Variants in NCKAP5 observed in about 807,000 individuals in gnomAD.
The protein encoded by NCKAP5 is nck-associated protein 5.
Under a neutral mutation model 167.0 loss-of-function variants are expected in NCKAP5, and 92 were observed. That is an observed-to-expected ratio of 0.55 (90% CI 0.47 to 0.66). The LOEUF is 0.66. NCKAP5 is among the 30% of genes least tolerant of loss of function. The pLI, the probability that NCKAP5 is intolerant of heterozygous loss-of-function variation, is 0.00. For synonymous variants in NCKAP5, 891 were observed against 877.4 expected, an observed-to-expected ratio of 1.02 and a Z score of -0.27; for missense variants, 2,378 against 2,315.0, an observed-to-expected ratio of 1.03 and a Z score of -0.56.
At chr2:132,883,432 T>C (rs537815625) in intron 8 of NCKAP5, among the ~76,000 whole-genome samples, 1 of 152,240 alleles carries the variant, frequency 6.6e-6, no homozygotes, top group East Asian at 1.9e-4. Flanking sequence ...GGCTGGTTGG[T>C]CTTATGTTCT....
At chr2:133,243,843 A>G (rs965788390) in intron 4 of NCKAP5, among the ~76,000 whole-genome samples, 1 of 152,226 alleles carries the variant, frequency 6.6e-6, no homozygotes, top group African/African-American at 2.4e-5. Context: ...TTCTGAGGTA[A>G]AAATGCATGT....
In NCKAP5 at chr2:132,775,393, G is replaced by C. The variant is rs375847648; in HGVS notation, c.5050-1499C>G. On this transcript the variant is annotated intron_variant, in intron 15 of 19. Transcript: ENST00000409261. ...ATAGCCAGAGATGGCAAACTCAAGA[G>C]AGTATGTAAATGGCTAACTCAACAC... is the stretch of plus-strand genomic sequence containing the variant. Among the ~76,000 whole-genome samples the C allele has an allele frequency of 1.1e-4, 16 of 152,328 alleles. No individual in the cohort carries two copies. The East Asian group carries it at 3.1e-3, about 29-fold the overall frequency.
chr2:132,743,722 A>G (rs1180860461), intron 16 of NCKAP5, among the ~76,000 whole-genome samples: 2 of 151,692 alleles, frequency 1.3e-5, no homozygotes, highest in Non-Finnish European at 3.0e-5. Flanking sequence ...AAACACTCCA[A>G]TGAATAGGCT....
Position 133,076,794 on chromosome 2 carries a change from C to T in NCKAP5, c.341+53184G>A, listed in dbSNP as rs544451579. Among the ~76,000 whole-genome samples, 71 of 152,240 alleles carry T rather than the reference C, an allele frequency of 4.7e-4. 2 individuals carry two copies. Among genetic ancestry groups the T allele is most frequent in the Admixed American group, 4.1e-3 (63 of 15,280 alleles). ...TACTGCTATATAGCCTTCAGGTCCA[C>T]GTACAAGGAAGCAGAAGGAGCAGGT... On this transcript the variant is annotated intron_variant, in intron 6 of 19. Coordinates refer to ENST00000409261, the MANE Select transcript of NCKAP5 (RefSeq NM_207363.3).
chr2:132,937,551 A>G (rs1286054260), intron 8 of NCKAP5, among the ~76,000 whole-genome samples: 2 of 152,064 alleles, frequency 1.3e-5, no homozygotes, highest in Non-Finnish European at 2.9e-5. Flanking sequence ...ACATTCTAAA[A>G]CTCATACGTT....
At chr2:133,329,968 G>A (rs545479122) in intron 3 of NCKAP5, among the ~76,000 whole-genome samples, 41 of 149,882 alleles carry the variant, frequency 2.7e-4, no homozygotes, top group Non-Finnish European at 3.5e-4. Context: ...AGGGGCCAGC[G>A]TCTAAGACAC....
intron 7 of NCKAP5, among the ~76,000 whole-genome samples, chr2:132,981,942 C>T (rs1043584922): frequency 6.6e-6 from 1 of 152,152 alleles, no homozygotes; most frequent in African/African-American, 2.4e-5. Flanking sequence ...ACCAAAACAG[C>T]GTCTCCTGCC....
chr2:133,661,744 C>T, the NCKAP5 span, among the ~76,000 whole-genome samples: 1 of 152,174 alleles, frequency 6.6e-6, no homozygotes, highest in Non-Finnish European at 1.5e-5. Context: ...TCCCCCCATA[C>T]CCAAGCCCTT....
chr2:132,842,351 A>ATTT (rs1047371104), intron 11 of NCKAP5, among the ~76,000 whole-genome samples: 1 of 151,960 alleles, frequency 6.6e-6, no homozygotes, highest in Admixed American at 6.6e-5. Flanking sequence ...TTTTATTGGT[A>ATTT]TTTTAATAAA....
At chr2:132,944,908 C>A (rs1273062472) in intron 8 of NCKAP5, among the ~76,000 whole-genome samples, 1 of 152,024 alleles carries the variant, frequency 6.6e-6, no homozygotes, top group Admixed American at 6.6e-5. Flanking sequence ...AAAGGGAAGA[C>A]CTTACCCAGG....
rs1680511610 is a variant in NCKAP5 at position 133,303,041 on chromosome 2, A to G, written c.139T>C (p.Trp47Arg). The part of the protein sequence containing the change: ...TQLEEQHRSL[W>R]REKLAVARLQ... ...AAGAACATGAATTGAACTCACCTCC[A>G]GAGACTCCTGTGTTGCTCCTCAAGC... is the stretch of plus-strand genomic sequence containing the variant. Residue 47 changes from tryptophan to arginine, a missense_variant, in exon 4 of 20, where the codon TGG becomes CGG. Physicochemically the swap from Trp to Arg is moderately radical, Grantham distance 101. Transcript: ENST00000409261. 1.3e-6 allele frequency: 2 copies of G among 1,599,318 alleles called. No individual in the cohort carries two copies. Among genetic ancestry groups the G allele is most frequent in the Non-Finnish European group, 1.7e-6 (2 of 1,172,122 alleles).
intron 11 of NCKAP5, among the ~76,000 whole-genome samples, chr2:132,841,561 G>A (rs1688298764): frequency 6.6e-6 from 1 of 151,982 alleles, no homozygotes; most frequent in African/African-American, 2.4e-5. Context: ...CATATTGTAG[G>A]ATAATAATAG....
chr2:133,409,620 G>GA (rs1253448955), intron 3 of NCKAP5, among the ~76,000 whole-genome samples: 1 of 94 alleles, frequency 0.011, no homozygotes, highest in African/African-American at 0.045. Flanking sequence ...GGGGCTTTTG[G>GA]AGCCAAGGTT....
chr2:133,157,352 C>T (rs1483827889), intron 5 of NCKAP5, among the ~76,000 whole-genome samples: 2 of 152,178 alleles, frequency 1.3e-5, no homozygotes, highest in East Asian at 1.9e-4. Flanking sequence ...TATGAAAAGG[C>T]ATGTCTGTGA....
chr2:132,937,022 T>C (rs549510120), intron 8 of NCKAP5, among the ~76,000 whole-genome samples: 16 of 152,258 alleles, frequency 1.1e-4, no homozygotes, highest in Middle Eastern at 3.4e-3. Flanking sequence ...AGCAAAGGTG[T>C]CCTATTAAGC....
At chr2:133,014,990 T>C (rs1338123873) in intron 6 of NCKAP5, among the ~76,000 whole-genome samples, 1 of 152,166 alleles carries the variant, frequency 6.6e-6, no homozygotes, top group Admixed American at 6.5e-5. Flanking sequence ...TTAAAGTAAA[T>C]TTTGATGCGT....
intron 3 of NCKAP5, among the ~76,000 whole-genome samples, chr2:133,428,717 T>C (rs1466957395): frequency 6.6e-6 from 1 of 151,860 alleles, no homozygotes; most frequent in Non-Finnish European, 1.5e-5. Context: ...CAGACTCCGG[T>C]AGAAAAATGG....
At chr2:133,227,806 G>A (rs1051052532) in intron 4 of NCKAP5, among the ~76,000 whole-genome samples, 3 of 152,098 alleles carry the variant, frequency 2.0e-5, no homozygotes, top group African/African-American at 7.2e-5. Flanking sequence ...GACTGTATGA[G>A]TTGGATTTCT....
intron 8 of NCKAP5, among the ~76,000 whole-genome samples, chr2:132,945,706 C>G (rs1227020919): frequency 1.3e-5 from 2 of 152,168 alleles, no homozygotes; most frequent in African/African-American, 4.8e-5. Context: ...TCTTATTGTA[C>G]CACACCCCAT....
Sources: gnomAD v4.1 joint callset for allele counts (sites outside exome capture counted in the v4.1 genomes callset) on GRCh38, gnomAD v4.1.1 for gene constraint, MANE v1.5 for transcripts, NCBI Gene and HGNC (gene_info 2026-07-23, HGNC 2026-07-21) for gene names.